Variants in PPP5C observed in about 807,000 individuals in gnomAD.
The protein encoded by PPP5C is serine/threonine-protein phosphatase 5.
A neutral mutation model predicts 66.7 loss-of-function variants in PPP5C; 21 were observed. The observed-to-expected ratio is 0.31, with a 90% CI of 0.22 to 0.45. PPP5C has a LOEUF of 0.45. Among genes scored for constraint, PPP5C ranks in the 20% least tolerant of loss-of-function variants. PPP5C has a pLI of 1.00. For synonymous variants in PPP5C, 246 were observed against 257.4 expected, an observed-to-expected ratio of 0.96 and a Z score of 0.43; for missense variants, 464 against 675.9, an observed-to-expected ratio of 0.69 and a Z score of 3.48.
chr19:46,383,066 C>A lies in PPP5C; in HGVS notation c.634-345C>A. 1.8e-6 allele frequency: 2 copies of A among 1,114,146 alleles called. No homozygotes were observed. The highest frequency in any genetic ancestry group is 2.3e-6 in the Non-Finnish European group (2 of 870,834). The allele number at this position is 1,114,146 out of a possible 1,614,324, so 69.0% of individuals were successfully genotyped here. On this transcript the variant is annotated intron_variant, in intron 4 of 12. Transcript: ENST00000012443. The surrounding 1 kb of genome is among the most constrained non-coding windows in gnomAD (Gnocchi z 5.0). ...TCTTTTTTGGGAGACTCTTTTATGA[C>A]AGTGACATTGCGCTGTGTCCAGGCC...
intron 4 of PPP5C, among the ~76,000 whole-genome samples, chr19:46,379,844 G>A (rs1294565729): frequency 7.0e-6 from 1 of 143,604 alleles, no homozygotes; most frequent in Non-Finnish European, 1.6e-5. Context: ...GTGAATCTGT[G>A]TGCTCTCCTT....
rs888621710 is a variant in PPP5C at position 46,374,207 on chromosome 19, C to T, written c.364-1397C>T. 1.3e-5 allele frequency among the ~76,000 whole-genome samples: 2 copies of T among 152,190 alleles called. 1 individual carries two copies. On this transcript the variant is annotated intron_variant, in intron 2 of 12. Transcript: ENST00000012443. The stretch of plus-strand genomic sequence containing the variant: ...CTGGGCCTGGGCTCTTCTCACCCCG[C>T]TTGGCGCACACACCTGTTTCCAGCA...
intron 1 of PPP5C, among the ~76,000 whole-genome samples, chr19:46,350,444 C>G (rs1913569206): frequency 6.6e-6 from 1 of 152,130 alleles, no homozygotes; most frequent in Non-Finnish European, 1.5e-5. Flanking sequence ...GCCTGTTGCC[C>G]CCCAGGACCT....
At position 46,383,175 on chromosome 19, in the gene PPP5C, C is replaced by G; in HGVS notation, c.634-236C>G. ...GAGTATTTTAAGATAATTCAAGAAT[C>G]AGGTTTTCGTACAAAACAATCGCAA... On this transcript the variant is annotated intron_variant, in intron 4 of 12. Transcript: ENST00000012443. This position sits in a 1 kb window ranked among gnomAD's most constrained non-coding sequence, Gnocchi z 5.0. 3 of 1,481,462 alleles carry G rather than the reference C, an allele frequency of 2.0e-6. No individual in the cohort carries two copies. Among genetic ancestry groups the G allele is most frequent in the Non-Finnish European group, 2.7e-6 (3 of 1,112,756 alleles). 91.8% of individuals were successfully genotyped at this position (1,481,462 alleles called of 1,614,324 possible).
chr19:46,383,177 G>A lies in PPP5C; in HGVS notation c.634-234G>A, dbSNP rs1427264236. On this transcript the variant is annotated intron_variant, in intron 4 of 12. Transcript: ENST00000012443. The surrounding 1 kb of genome is among the most constrained non-coding windows in gnomAD (Gnocchi z 5.0). Reference sequence around the variant, plus strand: ...GTATTTTAAGATAATTCAAGAATCAGGTTTTCGTACAAAACAATCGCAATG... The same window carrying A: ...GTATTTTAAGATAATTCAAGAATCAAGTTTTCGTACAAAACAATCGCAATG... 2.0e-6 allele frequency: 3 copies of A among 1,484,944 alleles called. No individual in the cohort carries two copies. Among genetic ancestry groups the A allele is most frequent in the African/African-American group, 1.4e-5 (1 of 71,390 alleles). 92.0% of individuals were successfully genotyped at this position (1,484,944 alleles called of 1,614,324 possible).
intron 7 of PPP5C, chr19:46,386,785 A>T (rs929547933): frequency 5.1e-6 from 2 of 395,324 alleles, no homozygotes; most frequent in African/African-American, 2.0e-5. Flanking sequence ...GCTAATTTTT[A>T]AAATTGTTTT....
At chr19:46,348,307 ATTTTTTTTT>A (rs35992791) in intron 1 of PPP5C, among the ~76,000 whole-genome samples, 1 of 111,268 alleles carries the variant, frequency 9.0e-6, no homozygotes, top group Non-Finnish European at 1.8e-5. Flanking sequence ...CCAGTTTGGA[ATTTTTTTTT>A]TTTTTTTTTT....
intron 2 of PPP5C, among the ~76,000 whole-genome samples, chr19:46,365,292 G>GT (rs1972471275): frequency 6.6e-6 from 1 of 151,126 alleles, no homozygotes; most frequent in Non-Finnish European, 1.5e-5. Flanking sequence ...TAATGTTTGT[G>GT]TTTTTAGTAG....
intron 2 of PPP5C, among the ~76,000 whole-genome samples, chr19:46,365,751 T>C (rs1972480530): frequency 6.6e-6 from 1 of 152,102 alleles, no homozygotes; most frequent in Non-Finnish European, 1.5e-5. Context: ...ATCCAGTGGG[T>C]CAAAGGGGGC....
chr19:46,386,078 A>G (rs1972880854), intron 7 of PPP5C, among the ~76,000 whole-genome samples: 1 of 152,164 alleles, frequency 6.6e-6, no homozygotes, highest in Non-Finnish European at 1.5e-5. Flanking sequence ...CTGGAGGGCT[A>G]TGGCTGCCAG....
intron 2 of PPP5C, among the ~76,000 whole-genome samples, chr19:46,367,145 A>C (rs1972504409): frequency 1.3e-5 from 2 of 152,320 alleles, no homozygotes; most frequent in South Asian, 2.1e-4. Flanking sequence ...ATGGTGTGAA[A>C]GCACAACCCA....
In PPP5C at chr19:46,390,626, TGGGGC is replaced by T; in HGVS notation, c.*281_*285del. ...TGGGGAGGCCGTCCTCGGGGTGGGG[TGGGGC>T]CGAGTGGCTGCCCTGCCCCCCTCAT... On this transcript the variant is annotated 3_prime_UTR_variant, in exon 13 of 13. Transcript: ENST00000012443. The T allele has an allele frequency of 7.7e-7, 1 of 1,295,414 alleles. No homozygotes were observed. The allele number at this position is 1,295,414 out of a possible 1,614,324, so 80.2% of individuals were successfully genotyped here.
At chr19:46,367,788 C>G (rs535530850) in intron 2 of PPP5C, among the ~76,000 whole-genome samples, 5 of 152,302 alleles carry the variant, frequency 3.3e-5, no homozygotes, top group Admixed American at 3.3e-4. Flanking sequence ...GGCAAGATGT[C>G]TGTCATGGAC....
intron 2 of PPP5C, among the ~76,000 whole-genome samples, 162 bp downstream of exon 2, chr19:46,354,151 C>T (rs1972243040): frequency 6.6e-6 from 1 of 152,252 alleles, no homozygotes; most frequent in African/African-American, 2.4e-5. Context: ...ACCCAGGCCA[C>T]AGCTCTGCTC....
At chr19:46,365,536 G>A (rs964274084) in intron 2 of PPP5C, among the ~76,000 whole-genome samples, 5 of 152,194 alleles carry the variant, frequency 3.3e-5, no homozygotes, top group African/African-American at 1.2e-4. Context: ...CGTGAGGCAT[G>A]TTCTTATGTG....
Position 46,376,498 on chromosome 19 carries a change from T to C in PPP5C, c.557T>C (p.Val186Ala), listed in dbSNP as rs753395451. The C allele has an allele frequency of 6.2e-7, 1 of 1,613,730 alleles. No individual in the cohort carries two copies. Among genetic ancestry groups the C allele is most frequent in the Non-Finnish European group, 8.5e-7 (1 of 1,179,866 alleles). Residue 186 changes from valine to alanine, a missense_variant, in exon 4 of 13, where the codon GTG (valine) becomes GCG (alanine). Transcript: ENST00000012443. This position sits in a 1 kb window ranked among gnomAD's most constrained non-coding sequence, Gnocchi z 5.1. The stretch of plus-strand genomic sequence containing the variant: ...GGACCCAAGCTTGAAGACGGCAAAG[T>C]GACAATCAGTTTCATGAAGGAGCTC... ...YSGPKLEDGK[V>A]TISFMKELMQ...
intron 2 of PPP5C, among the ~76,000 whole-genome samples, chr19:46,375,157 G>C (rs1291746097): frequency 1.3e-5 from 2 of 152,186 alleles, no homozygotes; most frequent in African/African-American, 4.8e-5. Context: ...GGGAGTCCAT[G>C]TCGTCCAGCA....
rs1466976231 is a variant in PPP5C at position 46,387,253 on chromosome 19, CCT to C, written c.1047+19_1047+20del. ...AAGTGCTGGTGAGGACGGCGCGAGCCCTGAGTGTGGGTTCCCCACCCAGCCAC... is the reference window on the plus strand; with the variant it reads ...AAGTGCTGGTGAGGACGGCGCGAGCCGAGTGTGGGTTCCCCACCCAGCCAC... On this transcript the variant is annotated intron_variant, in intron 8 of 12. Coordinates refer to ENST00000012443, the MANE Select transcript of PPP5C (RefSeq NM_006247.4). 9 of 1,613,982 alleles carry C rather than the reference CCT, an allele frequency of 5.6e-6. No individual in the cohort carries two copies. Among genetic ancestry groups the C allele is most frequent in the Non-Finnish European group, 7.6e-6 (9 of 1,179,998 alleles).
chr19:46,364,208 G>A (rs867024033), intron 2 of PPP5C, among the ~76,000 whole-genome samples: 9 of 146,360 alleles, frequency 6.1e-5, no homozygotes, highest in Admixed American at 2.7e-4. Context: ...ATATATATAC[G>A]TGTGTGTGTG....
Sources: gnomAD v4.1 joint callset for allele counts (sites outside exome capture counted in the v4.1 genomes callset) on GRCh38, gnomAD v4.1.1 for gene constraint, Gnocchi (gnomAD v3.1) non-coding constraint, MANE v1.5 for transcripts, NCBI Gene and HGNC (gene_info 2026-07-23, HGNC 2026-07-21) for gene names.